Variants in ALDH7A1 observed in about 807,000 individuals in gnomAD.
ALDH7A1 encodes aldehyde dehydrogenase 7 family member A1.
A neutral mutation model predicts 79.9 loss-of-function variants in ALDH7A1; 63 were observed. That is an observed-to-expected ratio of 0.79 (90% CI 0.64 to 0.97). The LOEUF (loss-of-function observed/expected upper bound fraction) is 0.97. ALDH7A1 is among the 50% of genes least tolerant of loss of function. ALDH7A1 has a pLI of 0.00. For synonymous variants in ALDH7A1, 240 were observed against 231.2 expected, an observed-to-expected ratio of 1.04 and a Z score of -0.34; for missense variants, 627 against 665.2, an observed-to-expected ratio of 0.94 and a Z score of 0.63.
chr5:126,557,952 G>A (rs1750256456), intron 11 of ALDH7A1, among the ~76,000 whole-genome samples: 1 of 151,824 alleles, frequency 6.6e-6, no homozygotes, highest in Admixed American at 6.6e-5. Context: ...TGGATCAGCT[G>A]AGGTCAGGAG....
At chr5:126,547,213 T>C (rs982032156) in intron 16 of ALDH7A1, among the ~76,000 whole-genome samples, 1 of 152,250 alleles carries the variant, frequency 6.6e-6, no homozygotes, top group African/African-American at 2.4e-5. Context: ...TGTCTCTTGG[T>C]TCCTCACCCA....
intron 16 of ALDH7A1, among the ~76,000 whole-genome samples, chr5:126,546,924 G>C (rs1474273071): frequency 6.6e-6 from 1 of 152,216 alleles, no homozygotes; most frequent in Non-Finnish European, 1.5e-5. Context: ...TCTCATGAGA[G>C]GGAAAGAATC....
intron 12 of ALDH7A1, chr5:126,554,734 T>C: frequency 5.4e-6 from 2 of 369,356 alleles, no homozygotes; most frequent in South Asian, 2.2e-5. Context: ...TGGCTATCAA[T>C]TACTCAAAGC....
At chr5:126,546,841 T>C (rs1749802869) in intron 16 of ALDH7A1, among the ~76,000 whole-genome samples, 1 of 152,182 alleles carries the variant, frequency 6.6e-6, no homozygotes, top group Non-Finnish European at 1.5e-5. Context: ...ATATTCCCAT[T>C]TGATAGAAAT....
In ALDH7A1 at chr5:126,595,194, C is replaced by T. The variant is rs1554101995; in HGVS notation, c.5G>A (p.Trp2Ter). Residue 2 changes from tryptophan (W) to a stop codon, truncating the protein, a stop_gained, in exon 1 of 18, where the codon TGG becomes TAG. Transcript: ENST00000409134. LOFTEE classifies it high-confidence loss of function. M[W>*]RLPRALCVHA... ...CACACACAGCGCGCGAGGAAGGCGC[C>T]ACATACTGAGCCCGGGACTCGGGAT... is the stretch of plus-strand genomic sequence containing the variant. 6.4e-7 allele frequency: 1 copy of T among 1,551,992 alleles called. No individual in the cohort carries two copies.
intron 5 of ALDH7A1, chr5:126,581,886 A>G (rs1751188067): frequency 3.5e-6 from 1 of 289,060 alleles, no homozygotes; most frequent in Non-Finnish European, 6.3e-6. Flanking sequence ...TCTGAGGCAG[A>G]AGAATCGCTT....
rs148980870 is a variant in ALDH7A1, at chr5:126,554,843, A to T, written c.1094-450T>A. 6.7e-4 allele frequency: 192 copies of T among 288,326 alleles called. 1 individual carries two copies. In the East Asian group the frequency reaches 0.011, roughly 16 times the overall value. The allele number at this position is 288,326 out of a possible 1,614,324, so 17.9% of individuals were successfully genotyped here. ...TAGTTGGTGTATAATTCAAGGGGGA[A>T]GAGAATGATGCTGTCCTATGTTACG... On this transcript the variant is annotated intron_variant, in intron 12 of 17. Coordinates refer to ENST00000409134, the MANE Select transcript of ALDH7A1 (RefSeq NM_001182.5).
intron 9 of ALDH7A1, among the ~76,000 whole-genome samples, chr5:126,564,906 A>G (rs1054460504): frequency 6.6e-6 from 1 of 152,212 alleles, no homozygotes; most frequent in Non-Finnish European, 1.5e-5. Flanking sequence ...AACTCCTCCA[A>G]GAAAAGCACC....
At chr5:126,558,397 T>C (rs1033430666) in intron 11 of ALDH7A1, among the ~76,000 whole-genome samples, 7 of 152,148 alleles carry the variant, frequency 4.6e-5, no homozygotes, top group African/African-American at 1.4e-4. Flanking sequence ...GATATATATA[T>C]GTATGCAGGC....
At chr5:126,586,106 A>C (rs1463049637) in intron 3 of ALDH7A1, 1 of 152,246 alleles carries the variant, frequency 6.6e-6, no homozygotes, top group African/African-American at 2.4e-5. Context: ...ACTTTTGCTT[A>C]AATTTGGAGC....
intron 3 of ALDH7A1, among the ~76,000 whole-genome samples, chr5:126,585,600 C>T (rs1463417726): frequency 6.6e-6 from 1 of 152,108 alleles, no homozygotes; most frequent in Non-Finnish European, 1.5e-5. Flanking sequence ...CGCTCTGTCA[C>T]GCCCAGGCTT....
At chr5:126,585,335 C>G (rs972182030) in intron 3 of ALDH7A1, among the ~76,000 whole-genome samples, 2 of 151,934 alleles carry the variant, frequency 1.3e-5, no homozygotes, top group African/African-American at 4.8e-5. Flanking sequence ...AGGAACATTC[C>G]CCTCCATGAA....
chr5:126,592,029 G>C (rs947316454), intron 3 of ALDH7A1: 14 of 150,692 alleles, frequency 9.3e-5, no homozygotes, highest in Admixed American at 2.7e-4. Flanking sequence ...CGCCTCCCAA[G>C]CTCAAGCAAT....
At chr5:126,577,010 G>A in intron 6 of ALDH7A1, 69 bp downstream of exon 6, 3 of 1,597,760 alleles carry the variant, frequency 1.9e-6, no homozygotes, top group Non-Finnish European at 1.7e-6. Context: ...TGAAGAGGCT[G>A]AGGTAGTAGT....
chr5:126,556,533 C>G (rs1360054008), intron 11 of ALDH7A1, among the ~76,000 whole-genome samples: 2 of 152,096 alleles, frequency 1.3e-5, no homozygotes, highest in Non-Finnish European at 2.9e-5. Flanking sequence ...TGTGAGCCAC[C>G]ACACCCGGTC....
chr5:126,566,999 T>C (rs1750605646), intron 9 of ALDH7A1, among the ~76,000 whole-genome samples: 1 of 152,234 alleles, frequency 6.6e-6, no homozygotes, highest in Admixed American at 6.5e-5. Context: ...GCAAAATTTA[T>C]TCAAAGACTT....
intron 9 of ALDH7A1, among the ~76,000 whole-genome samples, chr5:126,563,078 T>C (rs1750456982): frequency 6.6e-6 from 1 of 152,192 alleles, no homozygotes; most frequent in African/African-American, 2.4e-5. Flanking sequence ...GTGAATGTAC[T>C]TGACACTACT....
chr5:126,590,748 A>C (rs1200652165), intron 3 of ALDH7A1, among the ~76,000 whole-genome samples: 3 of 151,982 alleles, frequency 2.0e-5, no homozygotes, highest in Non-Finnish European at 4.4e-5. Flanking sequence ...TTAGCCAGGC[A>C]TGGTGGTGTG....
intron 9 of ALDH7A1, among the ~76,000 whole-genome samples, chr5:126,562,779 C>T (rs968459264): frequency 2.0e-5 from 3 of 152,090 alleles, no homozygotes; most frequent in Non-Finnish European, 4.4e-5. Flanking sequence ...ACCCAAGAGG[C>T]AGAGGTTACA....
Sources: gnomAD v4.1 joint callset for allele counts (sites outside exome capture counted in the v4.1 genomes callset) on GRCh38, gnomAD v4.1.1 for gene constraint, MANE v1.5 for transcripts, NCBI Gene and HGNC (gene_info 2026-07-23, HGNC 2026-07-21) for gene names.